The following SASH1 variants were observed in gnomAD, a reference collection of about 807,000 sequenced individuals.
The protein encoded by SASH1 is SAM and SH3 domain containing 1.
Under a neutral mutation model 125.2 loss-of-function variants are expected in SASH1, and 44 were observed. The ratio of observed to expected loss-of-function variants is 0.35; its 90% confidence interval spans 0.28 to 0.45. SASH1 has a LOEUF of 0.45. SASH1 is among the 20% of genes least tolerant of loss of function. The pLI, the probability that SASH1 is intolerant of heterozygous loss-of-function variation, is 1.00. For missense variants in SASH1, 1,426 were observed against 1,614.5 expected, an observed-to-expected ratio of 0.88 and a Z score of 2.00; for synonymous variants, 639 against 649.1, an observed-to-expected ratio of 0.98 and a Z score of 0.24.
intron 1 of SASH1, among the ~76,000 whole-genome samples, chr6:148,373,317 T>TG (rs1375493513): frequency 6.6e-6 from 1 of 152,040 alleles, no homozygotes. Flanking sequence ...TAGGTAATTG[T>TG]GGGAAGAGCT....
At chr6:148,414,113 C>T (rs1387686666) in intron 2 of SASH1, among the ~76,000 whole-genome samples, 3 of 151,438 alleles carry the variant, frequency 2.0e-5, no homozygotes, top group African/African-American at 4.9e-5. Context: ...TTTGTCAGTA[C>T]GATATTTACT....
chr6:148,206,146 G>C, the SASH1 span, among the ~76,000 whole-genome samples: 1 of 151,872 alleles, frequency 6.6e-6, no homozygotes, highest in Non-Finnish European at 1.5e-5. Context: ...AAGAGAAAAT[G>C]TATTAATACA....
At chr6:148,429,002 G>A (rs1775943571) in intron 2 of SASH1, among the ~76,000 whole-genome samples, 1 of 152,124 alleles carries the variant, frequency 6.6e-6, no homozygotes, top group Non-Finnish European at 1.5e-5. Flanking sequence ...ATGAAAAGCT[G>A]AAGAGTTAGG....
intron 1 of SASH1, among the ~76,000 whole-genome samples, chr6:148,329,585 TAA>T (rs932120412): frequency 1.3e-5 from 2 of 152,314 alleles, no homozygotes; most frequent in Non-Finnish European, 2.9e-5. Context: ...TTCAATTGTA[TAA>T]GACAGCTCAG....
intron 2 of SASH1, among the ~76,000 whole-genome samples, chr6:148,425,001 G>C (rs1242906583): frequency 6.6e-6 from 1 of 152,204 alleles, no homozygotes; most frequent in Non-Finnish European, 1.5e-5. Context: ...CATGGTCCCA[G>C]GGCAGAGCGG....
chr6:148,468,920 A>G (rs7738146), intron 5 of SASH1: 17,306 of 192,094 alleles, frequency 0.09, 959 homozygotes, highest in South Asian at 0.16. Flanking sequence ...CACATCCAAT[A>G]TGGTGGAATA....
chr6:148,527,689 A>G, intron 12 of SASH1, 93 bp downstream of exon 12: 1 of 1,245,094 alleles, frequency 8.0e-7, no homozygotes, highest in Non-Finnish European at 1.1e-6. Context: ...TGCTAAATAC[A>G]CATACTCCTT....
At chr6:148,527,156 G>T (rs994577179) in intron 11 of SASH1, 1 of 240,798 alleles carries the variant, frequency 4.2e-6, no homozygotes, top group Non-Finnish European at 7.9e-6. Flanking sequence ...CTTTACTGAT[G>T]AAATGCAGCC....
chr6:148,302,617 G>T (rs1425630354), intron 1 of SASH1, among the ~76,000 whole-genome samples: 1 of 143,334 alleles, frequency 7.0e-6, no homozygotes, highest in African/African-American at 2.6e-5. Context: ...CACACACGCA[G>T]AAATCATATA....
chr6:148,393,246 G>A (rs1010784345), intron 2 of SASH1, among the ~76,000 whole-genome samples: 1 of 145,438 alleles, frequency 6.9e-6, no homozygotes, highest in Non-Finnish European at 1.5e-5. Flanking sequence ...TTTTAGCAGA[G>A]ACAGGGTTTC....
intron 7 of SASH1, among the ~76,000 whole-genome samples, chr6:148,485,561 T>C (rs1778803854): frequency 6.6e-6 from 1 of 152,192 alleles, no homozygotes; most frequent in Non-Finnish European, 1.5e-5. Context: ...AAGACAGATT[T>C]ATCGTCATGC....
chr6:148,281,468 C>G (rs35754251), intron 1 of SASH1, among the ~76,000 whole-genome samples: 31,559 of 152,020 alleles, frequency 0.21, 3,563 homozygotes, highest in South Asian at 0.29. Flanking sequence ...CAAAGCACAA[C>G]CAAGTCAGAC....
At chr6:148,343,957 C>T (rs1234753228) in intron 1 of SASH1, among the ~76,000 whole-genome samples, 1 of 152,160 alleles carries the variant, frequency 6.6e-6, no homozygotes. Flanking sequence ...AGGTTTATTA[C>T]AGTCAGACAT....
At chr6:148,451,441 C>G (rs975425006) in intron 4 of SASH1, among the ~76,000 whole-genome samples, 3 of 152,178 alleles carry the variant, frequency 2.0e-5, no homozygotes, top group African/African-American at 2.4e-5. Flanking sequence ...GGGTTGCCCC[C>G]CTTTTCTTAC....
intron 4 of SASH1, among the ~76,000 whole-genome samples, chr6:148,463,909 A>G (rs1234760814): frequency 6.6e-6 from 1 of 152,130 alleles, no homozygotes; most frequent in Non-Finnish European, 1.5e-5. Flanking sequence ...TTGACTCTGC[A>G]GTCGCCCTTC....
In SASH1 at chr6:148,465,321, G is replaced by A. The variant is rs1357512556; in HGVS notation, c.387-3224G>A. Among the ~76,000 whole-genome samples the A allele has an allele frequency of 4.6e-5, 7 of 152,184 alleles. No individual in the cohort carries two copies. The East Asian group carries it at 9.7e-4, about 21-fold the overall frequency. ...AATCCCAGCACTTTGGGAGGCCGAG[G>A]CGGGCAAATCACCTGAGGTCAGGAG... On this transcript the variant is annotated intron_variant, in intron 4 of 19. Coordinates refer to ENST00000367467, the MANE Select transcript of SASH1 (RefSeq NM_015278.5).
chr6:148,403,176 T>C (rs1216461981), intron 2 of SASH1, among the ~76,000 whole-genome samples: 1 of 152,104 alleles, frequency 6.6e-6, no homozygotes, highest in Non-Finnish European at 1.5e-5. Context: ...TCAGTTTGTG[T>C]TGACTTGATT....
the SASH1 span, among the ~76,000 whole-genome samples, chr6:148,263,799 C>G: frequency 7.9e-5 from 12 of 152,094 alleles, no homozygotes; most frequent in African/African-American, 2.7e-4. Flanking sequence ...CATCTAACTC[C>G]GTGTTAGAAG....
At chr6:148,288,690 TACACAC>T (rs10606943) in intron 1 of SASH1, among the ~76,000 whole-genome samples, 86 of 150,742 alleles carry the variant, frequency 5.7e-4, no homozygotes, top group South Asian at 1.5e-3. Flanking sequence ...CACGTGTATG[TACACAC>T]ACACACACAC....
Sources: gnomAD v4.1 joint callset for allele counts (sites outside exome capture counted in the v4.1 genomes callset) on GRCh38, gnomAD v4.1.1 for gene constraint, MANE v1.5 for transcripts, NCBI Gene and HGNC (gene_info 2026-07-23, HGNC 2026-07-21) for gene names.